The following ADCY5 variants were observed in gnomAD, a reference collection of about 807,000 sequenced individuals.
ADCY5 encodes the protein adenylate cyclase type 5.
Under a neutral mutation model 119.7 loss-of-function variants are expected in ADCY5, and 30 were observed. The observed-to-expected ratio is 0.25, with a 90% CI of 0.19 to 0.34. ADCY5 has a LOEUF of 0.34. Ranked by LOEUF, ADCY5 falls within the 10% of genes least tolerant of loss-of-function variation. The probability of loss-of-function intolerance (pLI) is 1.00; values close to 1 mark genes in which losing one functional copy is unlikely to be tolerated. For synonymous variants in ADCY5, 753 were observed against 762.2 expected (o/e 0.99, Z 0.20); for missense variants, 1,324 against 1,775.2 (o/e 0.75, Z 4.57).
rs1192652461 is a variant in ADCY5 at position 123,327,696 on chromosome 3, G to A, written c.1869C>T (p.Gly623=). Residue 623 remains glycine (G), a synonymous_variant, in exon 7 of 21, where the codon GGC becomes GGT. Coordinates refer to ENST00000462833, the MANE Select transcript of ADCY5 (RefSeq NM_183357.3). ...GGTAGGCGTTGCGCTCGCCCCCACA[G>A]CCTGGCTCCACCTCGTAGTCCCCAT... ...YLNGDYEVEP[G]CGGERNAYLK... 1.2e-6 allele frequency: 2 copies of A among 1,614,128 alleles called. No homozygotes were observed. Among genetic ancestry groups the A allele is most frequent in the East Asian group, 2.2e-5 (1 of 44,874 alleles).
At chr3:123,435,880 T>G in intron 1 of ADCY5, among the ~76,000 whole-genome samples, 1 of 144,980 alleles carries the variant, frequency 6.9e-6, no homozygotes, top group Admixed American at 6.9e-5. Context: ...TTATTATTAT[T>G]ATTATTATTA....
intron 15 of ADCY5, among the ~76,000 whole-genome samples, chr3:123,299,651 T>G (rs1230929873): frequency 1.3e-5 from 2 of 152,256 alleles, no homozygotes; most frequent in Non-Finnish European, 2.9e-5. Context: ...AGTGCACAGA[T>G]GCCCAGCCTT....
intron 1 of ADCY5, among the ~76,000 whole-genome samples, chr3:123,433,102 T>C (rs941729660): frequency 1.3e-5 from 2 of 152,160 alleles, no homozygotes; most frequent in African/African-American, 2.4e-5. Context: ...GAAAGACACA[T>C]AAACAAACCT....
intron 17 of ADCY5, among the ~76,000 whole-genome samples, chr3:123,294,330 C>G (rs1360970686): frequency 6.6e-6 from 1 of 152,154 alleles, no homozygotes; most frequent in Non-Finnish European, 1.5e-5. Flanking sequence ...CAGAGATTTG[C>G]TGAGGATCAG....
At chr3:123,413,208 C>G (rs1330983213) in intron 1 of ADCY5, among the ~76,000 whole-genome samples, 4 of 152,342 alleles carry the variant, frequency 2.6e-5, no homozygotes, top group South Asian at 4.1e-4. Flanking sequence ...AGGCTGTTTT[C>G]TTAAGCAGTG....
chr3:123,292,117 G>A (rs1449112408), intron 17 of ADCY5, among the ~76,000 whole-genome samples: 1 of 152,348 alleles, frequency 6.6e-6, no homozygotes, highest in South Asian at 2.1e-4. Context: ...AAGGGAAGAG[G>A]TGTCACACAC....
intron 1 of ADCY5, chr3:123,367,916 T>A: frequency 2.0e-6 from 3 of 1,534,528 alleles, no homozygotes; most frequent in Non-Finnish European, 2.6e-6. Context: ...TCCAACTGAG[T>A]GCGGAACCTA....
At chr3:123,319,567 C>A in intron 10 of ADCY5, 107 bp downstream of exon 10, 4 of 1,395,496 alleles carry the variant, frequency 2.9e-6, no homozygotes, top group Non-Finnish European at 1.9e-6. Context: ...ACTGAGGCCA[C>A]CCCTTCCGTG....
chr3:123,417,704 A>G (rs1945217140), intron 1 of ADCY5, among the ~76,000 whole-genome samples: 1 of 152,216 alleles, frequency 6.6e-6, no homozygotes, highest in Non-Finnish European at 1.5e-5. Context: ...GATGGGTCTA[A>G]ATCAGCCATG....
chr3:123,303,357 AAG>A lies in ADCY5; in HGVS notation c.2560-140_2560-139del, dbSNP rs1200102076. The A allele has an allele frequency of 9.0e-6, 9 of 1,001,440 alleles. No homozygotes were observed. The East Asian group carries it at 2.4e-4, about 26-fold the overall frequency. 62.0% of individuals were successfully genotyped at this position (1,001,440 alleles called of 1,614,324 possible). ...TGACACTGATGGGGACAAAATCTGA[AAG>A]AGTCTGAGGAACGGGCAAAGTCTGC... is the stretch of plus-strand genomic sequence containing the variant. On this transcript the variant is annotated intron_variant, in intron 13 of 20. Transcript: ENST00000462833.
intron 1 of ADCY5, among the ~76,000 whole-genome samples, chr3:123,360,665 A>C (rs1215783026): frequency 6.6e-6 from 1 of 152,228 alleles, no homozygotes; most frequent in African/African-American, 2.4e-5. Flanking sequence ...CTAAAGTGTA[A>C]TGTTTATTTA....
At position 123,284,364 on chromosome 3, in the gene ADCY5, A is replaced by C; in HGVS notation, c.*244T>G. 1 of 535,948 alleles carries C rather than the reference A, an allele frequency of 1.9e-6. No homozygotes were observed. The highest frequency in any genetic ancestry group is 3.2e-5 in the Admixed American group (1 of 31,104). 33.2% of individuals were successfully genotyped at this position (535,948 alleles called of 1,614,324 possible). On this transcript the variant is annotated 3_prime_UTR_variant, in exon 21 of 21. Transcript: ENST00000462833. Reference sequence around the variant, plus strand: ...TCAAGCTTCAGACCCAGTCTAGCAGAGTCTTCTACAGAGGGAAACATCTTT... The same window carrying C: ...TCAAGCTTCAGACCCAGTCTAGCAGCGTCTTCTACAGAGGGAAACATCTTT...
At chr3:123,316,616 T>C (rs9790301) in intron 11 of ADCY5, among the ~76,000 whole-genome samples, 29,769 of 152,168 alleles carry the variant, frequency 0.2, 3,474 homozygotes, top group East Asian at 0.58. Context: ...TCGGGGACTC[T>C]TTAGATGAAG....
At chr3:123,326,736 G>GC (rs982000540) in intron 7 of ADCY5, among the ~76,000 whole-genome samples, 2 of 152,150 alleles carry the variant, frequency 1.3e-5, no homozygotes, top group African/African-American at 4.8e-5. Flanking sequence ...CCCATGAAGG[G>GC]CCCCCGAGCC....
intron 1 of ADCY5, among the ~76,000 whole-genome samples, chr3:123,355,285 G>A (rs1043121828): frequency 1.2e-4 from 18 of 152,116 alleles, no homozygotes; most frequent in Non-Finnish European, 2.2e-4. Context: ...TATACAAAAA[G>A]CAACCTACTT....
chr3:123,308,210 T>G (rs763862385), intron 12 of ADCY5, among the ~76,000 whole-genome samples: 4 of 151,736 alleles, frequency 2.6e-5, no homozygotes, highest in Non-Finnish European at 5.9e-5. Context: ...ATTTTGTTTT[T>G]GTATTTTCAG....
intron 1 of ADCY5, among the ~76,000 whole-genome samples, chr3:123,358,933 T>C (rs1054271465): frequency 2.0e-5 from 3 of 152,156 alleles, no homozygotes; most frequent in Non-Finnish European, 2.9e-5. Context: ...ACTGTGATCG[T>C]TTCTGCCTCT....
In ADCY5 at chr3:123,424,777, C is replaced by T. The variant is rs1044586554; in HGVS notation, c.1134+22635G>A. Among the ~76,000 whole-genome samples, 10 of 152,240 alleles carry T rather than the reference C, an allele frequency of 6.6e-5. No individual in the cohort carries two copies. In the East Asian group the frequency reaches 1.2e-3, roughly 18 times the overall value. On this transcript the variant is annotated intron_variant, in intron 1 of 20. Coordinates refer to ENST00000462833, the MANE Select transcript of ADCY5 (RefSeq NM_183357.3). ...GTGTGTGTGTGTGTGCGCGCATGCACGCACGCGCGCATGTCAGCATGCCCA... is the reference window on the plus strand; with the variant it reads ...GTGTGTGTGTGTGTGCGCGCATGCATGCACGCGCGCATGTCAGCATGCCCA...
chr3:123,407,131 C>G (rs1372076841), intron 1 of ADCY5, among the ~76,000 whole-genome samples: 5 of 152,132 alleles, frequency 3.3e-5, no homozygotes, highest in Non-Finnish European at 1.5e-5. Flanking sequence ...GCTTTATCCT[C>G]CCACTCTGAC....
Sources: gnomAD v4.1 joint callset for allele counts (sites outside exome capture counted in the v4.1 genomes callset) on GRCh38, gnomAD v4.1.1 for gene constraint, MANE v1.5 for transcripts, NCBI Gene and HGNC (gene_info 2026-07-23, HGNC 2026-07-21) for gene names.